The following FGF14 variants were observed in gnomAD, a reference collection of about 807,000 sequenced individuals.
The protein encoded by FGF14 is fibroblast growth factor homologous factor 4.
Under a neutral mutation model 25.5 loss-of-function variants are expected in FGF14, and 5 were observed. The observed-to-expected ratio is 0.20, with a 90% confidence interval of 0.10 to 0.41. The LOEUF is 0.41. FGF14 is among the 10% of genes least tolerant of loss of function. The pLI, the probability that FGF14 is intolerant of heterozygous loss-of-function variation, is 1.00. For synonymous variants in FGF14, 138 were observed against 118.3 expected (o/e 1.17, Z -1.08); for missense variants, 222 against 320.1 (o/e 0.69, Z 2.34).
At chr13:102,156,604 A>T (rs1158593870) in intron 1 of FGF14, among the ~76,000 whole-genome samples, 1 of 152,228 alleles carries the variant, frequency 6.6e-6, no homozygotes, top group Non-Finnish European at 1.5e-5. Flanking sequence ...CTGGCACAAG[A>T]CAGGGAGGCC....
At chr13:101,847,709 TAC>T (rs1594464814) in intron 3 of FGF14, among the ~76,000 whole-genome samples, 1 of 152,076 alleles carries the variant, frequency 6.6e-6, no homozygotes, top group East Asian at 1.9e-4. Flanking sequence ...TCTTCAAATC[TAC>T]AGTTATTGAA....
chr13:101,850,486 A>C (rs1187397911), intron 3 of FGF14, among the ~76,000 whole-genome samples: 151 of 1,164 alleles, frequency 0.13, 21 homozygotes, highest in African/African-American at 0.3. Context: ...ATATATATAT[A>C]TATATATATA....
chr13:101,844,336 C>G (rs1234811799), intron 3 of FGF14, among the ~76,000 whole-genome samples: 1 of 152,042 alleles, frequency 6.6e-6, no homozygotes, highest in Non-Finnish European at 1.5e-5. Flanking sequence ...CTCAACCTCA[C>G]AAGACACCAT....
intron 1 of FGF14, among the ~76,000 whole-genome samples, chr13:102,072,920 A>G (rs1464120857): frequency 2.6e-5 from 4 of 152,208 alleles, no homozygotes; most frequent in Non-Finnish European, 4.4e-5. Flanking sequence ...GGCAAACTGA[A>G]GAGTTCATGC....
intron 1 of FGF14, among the ~76,000 whole-genome samples, chr13:102,014,991 GC>G (rs2040264273): frequency 6.6e-6 from 1 of 152,108 alleles, no homozygotes; most frequent in Non-Finnish European, 1.5e-5. Flanking sequence ...CACAATCTCA[GC>G]TCACCGCTGA....
chr13:102,273,291 A>C (rs1452248071), intron 1 of FGF14, among the ~76,000 whole-genome samples: 1 of 152,200 alleles, frequency 6.6e-6, no homozygotes, highest in Non-Finnish European at 1.5e-5. Context: ...GTTTATAGGA[A>C]ATAGAATTCA....
intron 1 of FGF14, among the ~76,000 whole-genome samples, chr13:102,122,059 G>A (rs769503253): frequency 2.0e-5 from 3 of 152,180 alleles, no homozygotes; most frequent in African/African-American, 4.8e-5. Context: ...ACAAATTCAT[G>A]GGATATACTA....
At chr13:102,396,562 T>G (rs552580048) in intron 1 of FGF14, among the ~76,000 whole-genome samples, 1 of 152,288 alleles carries the variant, frequency 6.6e-6, no homozygotes, top group South Asian at 2.1e-4. Context: ...CATGGAAGAC[T>G]GGGTTCGAAC....
chr13:101,840,223 A>C (rs1203111456), intron 3 of FGF14, among the ~76,000 whole-genome samples: 1 of 152,022 alleles, frequency 6.6e-6, no homozygotes, highest in Non-Finnish European at 1.5e-5. Flanking sequence ...TTTAAATTAT[A>C]AACTAGTTTT....
At chr13:102,058,548 T>C (rs2042537081) in intron 1 of FGF14, among the ~76,000 whole-genome samples, 1 of 152,220 alleles carries the variant, frequency 6.6e-6, no homozygotes, top group African/African-American at 2.4e-5. Context: ...AAGTTGTATA[T>C]TTGCATTGTA....
At chr13:101,975,246 T>A (rs962044324) in intron 1 of FGF14, among the ~76,000 whole-genome samples, 4 of 152,120 alleles carry the variant, frequency 2.6e-5, no homozygotes, top group African/African-American at 9.7e-5. Flanking sequence ...TACCTTGTGC[T>A]GTGACCCCAC....
intron 1 of FGF14, among the ~76,000 whole-genome samples, chr13:102,248,123 A>C (rs1244437352): frequency 7.9e-5 from 12 of 152,018 alleles, no homozygotes; most frequent in Admixed American, 2.0e-4. Context: ...GGAACAGTAA[A>C]AAAGCAACTA....
chr13:101,737,225 A>G lies in FGF14; in HGVS notation c.409-10415T>C, dbSNP rs137894569. Among the ~76,000 whole-genome samples the G allele has an allele frequency of 4.1e-4, 63 of 151,958 alleles. 1 individual carries two copies. The East Asian group carries it at 0.012, about 28-fold the overall frequency. Reference sequence around the variant, plus strand: ...CCAAGAATCTGGAAAAAGACAACAAATACCTGTGTTCTTAGTAATAACGGT... The same window carrying G: ...CCAAGAATCTGGAAAAAGACAACAAGTACCTGTGTTCTTAGTAATAACGGT... On this transcript the variant is annotated intron_variant, in intron 3 of 4. Coordinates refer to ENST00000376143, the MANE Select transcript of FGF14 (RefSeq NM_004115.4).
At chr13:102,386,952 G>T (rs956692020) in intron 1 of FGF14, among the ~76,000 whole-genome samples, 1 of 152,140 alleles carries the variant, frequency 6.6e-6, no homozygotes, top group African/African-American at 2.4e-5. Context: ...ATTCAGGTTT[G>T]TGCTGCCAAT....
intron 1 of FGF14, among the ~76,000 whole-genome samples, chr13:102,268,843 T>C (rs908173496): frequency 6.6e-6 from 1 of 152,160 alleles, no homozygotes; most frequent in Non-Finnish European, 1.5e-5. Context: ...GACTAATCTT[T>C]TGATAAGTTT....
chr13:101,859,648 G>A (rs1009930914), intron 3 of FGF14, among the ~76,000 whole-genome samples: 17 of 152,100 alleles, frequency 1.1e-4, no homozygotes, highest in African/African-American at 3.6e-4. Context: ...AGTAGTTTGT[G>A]TGTTTGATAT....
Position 101,715,419 on chromosome 13 carries a change from T to C in FGF14, c.*7412A>G. On this transcript the variant is annotated 3_prime_UTR_variant, in exon 5 of 5. Transcript: ENST00000376143. ...TGTCTCGCAGCTGCTTAATAAGATGTAATAATAACATCATTGCACAATAAG... is the reference window on the plus strand; with the variant it reads ...TGTCTCGCAGCTGCTTAATAAGATGCAATAATAACATCATTGCACAATAAG... The C allele has an allele frequency of 1.5e-6, 1 of 677,788 alleles. No individual in the cohort carries two copies. Among genetic ancestry groups the C allele is most frequent in the South Asian group, 1.8e-5 (1 of 55,682 alleles). The allele number at this position is 677,788 out of a possible 1,614,324, so 42.0% of individuals were successfully genotyped here. A position where few individuals can be genotyped will look rare whatever the true frequency, so the allele number is the denominator to read the frequency against.
intron 1 of FGF14, among the ~76,000 whole-genome samples, chr13:102,088,810 A>G (rs2044041177): frequency 6.6e-6 from 1 of 152,158 alleles, no homozygotes; most frequent in Admixed American, 6.5e-5. Flanking sequence ...TATTATAGAA[A>G]ATGCTTGCCG....
chr13:102,181,820 T>A (rs143992201), intron 1 of FGF14, among the ~76,000 whole-genome samples: 169 of 152,276 alleles, frequency 1.1e-3, no homozygotes, highest in African/African-American at 4.0e-3. Context: ...TCAGGTAATG[T>A]ATTCACAGGT....
Sources: allele counts gnomAD v4.1 joint callset (sites outside exome capture counted in the v4.1 genomes callset), GRCh38; gene constraint gnomAD v4.1.1; transcripts MANE v1.5; gene names NCBI Gene and HGNC (gene_info 2026-07-23, HGNC 2026-07-21).